The following DYNC1H1 variants were observed in gnomAD, a reference collection of about 807,000 sequenced individuals.
DYNC1H1 encodes the protein dynein cytoplasmic 1 heavy chain 1.
DYNC1H1 carries 51 observed loss-of-function variants against 527.1 expected under a neutral mutation model. The ratio of observed to expected loss-of-function variants is 0.10; its 90% CI spans 0.08 to 0.12. DYNC1H1 has a LOEUF of 0.12. Among genes scored for constraint, DYNC1H1 ranks in the 10% least tolerant of loss-of-function variants. DYNC1H1 has a pLI of 1.00. For synonymous variants in DYNC1H1, 2,189 were observed against 2,278.8 expected, an observed-to-expected ratio of 0.96 and a Z score of 1.12; for missense variants, 2,771 against 5,971.8, an observed-to-expected ratio of 0.46 and a Z score of 17.66.
At chr14:101,975,909 T>C (rs1036769123) in intron 2 of DYNC1H1, 110 bp downstream of exon 2, 7 of 852,728 alleles carry the variant, frequency 8.2e-6, no homozygotes, top group Non-Finnish European at 1.1e-5. Flanking sequence ...TTAATATAAA[T>C]CTTTTTTTTT....
In DYNC1H1 at chr14:102,027,276, G is replaced by A; in HGVS notation, c.8874G>A (p.Val2958=). 1.2e-6 allele frequency: 2 copies of A among 1,614,112 alleles called. No homozygotes were observed. Among genetic ancestry groups the A allele is most frequent in the Non-Finnish European group, 1.7e-6 (2 of 1,180,038 alleles). The part of the protein sequence containing the change: ...RFVAWMNGLS[V]YQIKVHRKYT... ...TCGCCTGGATGAACGGTTTGAGTGT[G>A]TACCAGATTAAGGTGCGTCTGGTCG... The change falls in exon 45 of 78, where the codon GTG becomes GTA. Residue 2958 remains valine (V), a synonymous_variant. Coordinates refer to ENST00000360184, the MANE Select transcript of DYNC1H1 (RefSeq NM_001376.5). This position sits in a 1 kb window ranked among gnomAD's most constrained non-coding sequence, Gnocchi z 7.7.
rs776331029 is a variant in DYNC1H1, at chr14:102,033,174, A to G, written c.10189A>G (p.Ile3397Val). The change falls in exon 53 of 78, where the codon ATT becomes GTT. Residue 3397 changes from isoleucine to valine, a missense_variant. Around this residue, in one of 32 missense-constraint regions of DYNC1H1, gnomAD observed 283 missense variants for 737.6 expected, o/e 0.38. Coordinates refer to ENST00000360184, the MANE Select transcript of DYNC1H1 (RefSeq NM_001376.5). This position sits in a 1 kb window ranked among gnomAD's most constrained non-coding sequence, Gnocchi z 5.6. ...TTGCGGCCCTATGGTGAAATGGGCA[A>G]TTGCACAGGTGATTAACACAGCCAG... ...LACGPMVKWA[I>V]AQLNYADMLK... The G allele has an allele frequency of 2.5e-6, 4 of 1,614,202 alleles. No individual in the cohort carries two copies. Among genetic ancestry groups the G allele is most frequent in the Non-Finnish European group, 2.5e-6 (3 of 1,180,044 alleles).
chr14:102,052,513 CTG>C lies in DYNC1H1; in HGVS notation c.*1951_*1952del, dbSNP rs1247657273. 3 of 152,350 alleles carry C rather than the reference CTG, an allele frequency of 2.0e-5. No homozygotes were observed. Among genetic ancestry groups the C allele is most frequent in the African/African-American group, 7.2e-5 (3 of 41,450 alleles). 9.4% of individuals were successfully genotyped at this position (152,350 alleles called of 1,614,324 possible). ...TCTTGGGCTGGGACCCCTTCCTGGA[CTG>C]AGTCTGCTCACCTTGGATTAGGCCA... is the stretch of plus-strand genomic sequence containing the variant. On this transcript the variant is annotated 3_prime_UTR_variant, in exon 78 of 78. Transcript: ENST00000360184.
At chr14:102,026,907 C>A in intron 44 of DYNC1H1, 200 bp downstream of exon 44, 1 of 837,402 alleles carries the variant, frequency 1.2e-6, no homozygotes, top group Non-Finnish European at 1.9e-6. Flanking sequence ...ATTCTTCCTC[C>A]CCCAGCACTG....
In DYNC1H1 at chr14:101,979,185, T is replaced by C; in HGVS notation, c.345-134T>C. The C allele has an allele frequency of 7.1e-6, 6 of 850,170 alleles. No homozygotes were observed. The highest frequency in any genetic ancestry group is 2.4e-5 in the Admixed American group (1 of 41,306). 52.7% of individuals were successfully genotyped at this position (850,170 alleles called of 1,614,324 possible). A position where few individuals can be genotyped will look rare whatever the true frequency, so the allele number is the denominator to read the frequency against. ...TAACCTTGATTCAGTAGCTCTCATG[T>C]ACTAAAGAAAGACAAGCAGTGCATT... On this transcript the variant is annotated intron_variant, in intron 2 of 77. Transcript: ENST00000360184. The surrounding 1 kb of genome is among the most constrained non-coding windows in gnomAD (Gnocchi z 4.6).
At position 102,036,559 on chromosome 14, in the gene DYNC1H1, A is replaced by C; in HGVS notation, c.10825A>C (p.Ile3609Leu). Residue 3609 changes from isoleucine to leucine, a missense_variant, in exon 57 of 78, where the codon ATC becomes CTC. Physicochemically the swap from Ile to Leu is conservative, Grantham distance 5. Transcript: ENST00000360184. The surrounding 1 kb of genome is among the most constrained non-coding windows in gnomAD (Gnocchi z 5.6). ...FIMNEYKDRK[I>L]TRTSFLDDAF... ...TATGAATGAATATAAGGATCGTAAG[A>C]TCACACGGACCAGCTTCCTGGATGA... 1 of 1,614,138 alleles carries C rather than the reference A, an allele frequency of 6.2e-7. No individual in the cohort carries two copies. Among genetic ancestry groups the C allele is most frequent in the Non-Finnish European group, 8.5e-7 (1 of 1,180,020 alleles).
chr14:101,983,222 A>G lies in DYNC1H1; in HGVS notation c.1165A>G (p.Ser389Gly), dbSNP rs1239478672. The G allele has an allele frequency of 1.2e-6, 2 of 1,614,132 alleles. No individual in the cohort carries two copies. The highest frequency in any genetic ancestry group is 2.7e-5 in the African/African-American group (2 of 74,950). Residue 389 changes from serine to glycine, a missense_variant, in exon 6 of 78, where the codon AGT (serine) becomes GGT (glycine). Coordinates refer to ENST00000360184, the MANE Select transcript of DYNC1H1 (RefSeq NM_001376.5). This position sits in a 1 kb window ranked among gnomAD's most constrained non-coding sequence, Gnocchi z 5.3. The stretch of plus-strand genomic sequence containing the variant: ...GGTGGAGGCAATTTCAAGAGACTTG[A>G]GTTCTCAATTACTCAAAGTATTGGG... The part of the protein sequence containing the change: ...RLVEAISRDL[S>G]SQLLKVLGTR...
chr14:101,998,857 T>C (rs2048095055), intron 16 of DYNC1H1, among the ~76,000 whole-genome samples: 5 of 151,618 alleles, frequency 3.3e-5, no homozygotes, highest in Non-Finnish European at 1.5e-5. Context: ...GTGCCAGTAA[T>C]GTGTTAGAGT....
In DYNC1H1 at chr14:102,038,227, C is replaced by G. The variant is rs2048600421; in HGVS notation, c.10909-233C>G. ...CTCCTGACCTCAAGTGATCTGCCTG[C>G]CTCAGCCTCCCAAAGTGCTGGAATT... On this transcript the variant is annotated intron_variant, in intron 57 of 77. Transcript: ENST00000360184. The surrounding 1 kb of genome is among the most constrained non-coding windows in gnomAD (Gnocchi z 7.2). 1.7e-6 allele frequency: 1 copy of G among 592,880 alleles called. No homozygotes were observed. Among genetic ancestry groups the G allele is most frequent in the South Asian group, 1.8e-5 (1 of 55,518 alleles). 36.7% of individuals were successfully genotyped at this position (592,880 alleles called of 1,614,324 possible).
At position 102,026,313 on chromosome 14, in the gene DYNC1H1, T is replaced by C. The variant is rs17512600; in HGVS notation, c.8638-261T>C. Among the ~76,000 whole-genome samples, 2,708 of 152,270 alleles carry C rather than the reference T, an allele frequency of 0.018. 22 individuals are homozygous for C. Among genetic ancestry groups the C allele is most frequent in the Middle Eastern group, 0.037 (11 of 294 alleles). ...GCATTTTTATAGTAGAGTGTTTTTTTCCTCCATGATCATGGTATGTCTCTT... is the reference window on the plus strand; with the variant it reads ...GCATTTTTATAGTAGAGTGTTTTTTCCCTCCATGATCATGGTATGTCTCTT... On this transcript the variant is annotated intron_variant, in intron 43 of 77. Coordinates refer to ENST00000360184, the MANE Select transcript of DYNC1H1 (RefSeq NM_001376.5).
At chr14:102,025,224 G>A (rs906644139) in intron 43 of DYNC1H1, among the ~76,000 whole-genome samples, 2 of 151,794 alleles carry the variant, frequency 1.3e-5, no homozygotes, top group Non-Finnish European at 2.9e-5. Flanking sequence ...TACCAACATG[G>A]TGAAAACCCA....
At chr14:102,032,759 G>T in intron 52 of DYNC1H1, 1 of 565,260 alleles carries the variant, frequency 1.8e-6, no homozygotes, top group Non-Finnish European at 3.1e-6. Flanking sequence ...AGGCTGAGGT[G>T]GGAGGATTGC....
intron 11 of DYNC1H1, 22 bp downstream of exon 11, chr14:101,991,695 G>T: frequency 6.2e-7 from 1 of 1,614,010 alleles, no homozygotes; most frequent in Non-Finnish European, 8.5e-7. Context: ...GTGACTCGAG[G>T]CACACGCCTC....
At chr14:102,019,212 C>T (rs1396196480) in intron 41 of DYNC1H1, among the ~76,000 whole-genome samples, 1 of 152,242 alleles carries the variant, frequency 6.6e-6, no homozygotes, top group Non-Finnish European at 1.5e-5. Context: ...AGCTACGCCT[C>T]CACCAGCAGC....
Position 102,044,802 on chromosome 14 carries a change from G to C in DYNC1H1, c.13006+104G>C. The C allele has an allele frequency of 7.5e-7, 1 of 1,332,920 alleles. No homozygotes were observed. The highest frequency in any genetic ancestry group is 1.1e-6 in the Non-Finnish European group (1 of 943,774). 82.6% of individuals were successfully genotyped at this position (1,332,920 alleles called of 1,614,324 possible). A position where few individuals can be genotyped will look rare whatever the true frequency, so the allele number is the denominator to read the frequency against. On this transcript the variant is annotated intron_variant, in intron 72 of 77. Transcript: ENST00000360184. This position sits in a 1 kb window ranked among gnomAD's most constrained non-coding sequence, Gnocchi z 7.1. ...ACACGCAGGGTGAGTGTGCACTGCT[G>C]TCCCAGGGCCCTCCCTGGTTATGCT...
intron 1 of DYNC1H1, among the ~76,000 whole-genome samples, chr14:101,974,821 C>A (rs890842148): frequency 6.6e-6 from 1 of 152,198 alleles, no homozygotes; most frequent in South Asian, 2.1e-4. Flanking sequence ...ACGTAAGCCA[C>A]CAGCCCGGCC....
At chr14:102,007,352 A>G (rs2048208247) in intron 28 of DYNC1H1, among the ~76,000 whole-genome samples, 1 of 152,198 alleles carries the variant, frequency 6.6e-6, no homozygotes, top group Non-Finnish European at 1.5e-5. Context: ...ATATTTTTCT[A>G]AAATGTCAGT....
chr14:101,986,654 A>C lies in DYNC1H1; in HGVS notation c.2429A>C (p.Lys810Thr). ...TISLLVAGLK[K>T]EVQALIAEGI... ...TCCCTTTTGGTGGCTGGCTTGAAAA[A>C]GGAAGTGCAGGCCCTGATCGCAGAA... Residue 810 changes from lysine to threonine, a missense_variant, in exon 8 of 78, where the codon AAG (lysine) becomes ACG (threonine). Around this residue, in one of 32 missense-constraint regions of DYNC1H1, gnomAD observed 24 missense variants for 19.0 expected, o/e 1.26. Transcript: ENST00000360184. This position sits in a 1 kb window ranked among gnomAD's most constrained non-coding sequence, Gnocchi z 8.7. The C allele has an allele frequency of 6.2e-7, 1 of 1,613,156 alleles. No individual in the cohort carries two copies. The highest frequency in any genetic ancestry group is 8.5e-7 in the Non-Finnish European group (1 of 1,179,122).
chr14:102,048,471 AAG>A, intron 73 of DYNC1H1, 43 bp from the exon 74 acceptor site: 1 of 1,613,132 alleles, frequency 6.2e-7, no homozygotes, highest in Non-Finnish European at 8.5e-7. Flanking sequence ...ACACTGGAGA[AAG>A]GACCTCTTCC....
Sources: allele counts gnomAD v4.1 joint callset (sites outside exome capture counted in the v4.1 genomes callset), GRCh38; gene constraint gnomAD v4.1.1; regional missense constraint gnomAD v4.1.1; non-coding constraint Gnocchi (gnomAD v3.1); transcripts MANE v1.5; gene names NCBI Gene and HGNC (gene_info 2026-07-23, HGNC 2026-07-21).